PKIB: variants seen among roughly 807,000 people sequenced by gnomAD.
PKIB encodes the protein cAMP-dependent protein kinase inhibitor beta.
Under a neutral mutation model 4.5 loss-of-function variants are expected in PKIB, and 2 were observed. The ratio of observed to expected loss-of-function variants is 0.44; its 90% CI spans 0.18 to 1.39. The LOEUF (loss-of-function observed/expected upper bound fraction) is 1.39, where lower values mean the gene tolerates loss of function less well. PKIB is among the 40% of genes most tolerant of loss of function. The pLI is 0.27. For synonymous variants in PKIB, 38 were observed against 36.0 expected (o/e 1.06, Z -0.20); for missense variants, 94 against 92.6 (o/e 1.02, Z -0.06).
chr6:122,702,351 A>G (rs1444591309), intron 3 of PKIB, among the ~76,000 whole-genome samples: 2 of 106,420 alleles, frequency 1.9e-5, no homozygotes, highest in Non-Finnish European at 3.5e-5. Flanking sequence ...TTTTTTTGAG[A>G]TGGAGTCTCA....
intron 2 of PKIB, among the ~76,000 whole-genome samples, chr6:122,641,265 T>C (rs1030635449): frequency 6.6e-6 from 1 of 152,198 alleles, no homozygotes; most frequent in African/African-American, 2.4e-5. Flanking sequence ...GTTCTAGCTC[T>C]GTTCTCCCTG....
At chr6:122,471,956 T>C (rs1447415357) in exon 1 of PKIB, 10 of 1,099,768 alleles carry the variant, frequency 9.1e-6, no homozygotes, top group Admixed American at 3.2e-5. Flanking sequence ...GGCTGTCTTC[T>C]TTCCTGGAGA....
At chr6:122,549,222 T>C (rs1430318263) in intron 2 of PKIB, among the ~76,000 whole-genome samples, 1 of 152,166 alleles carries the variant, frequency 6.6e-6, no homozygotes, top group Non-Finnish European at 1.5e-5. Flanking sequence ...AATAAAACAC[T>C]CAGTATGGGT....
intron 1 of PKIB, among the ~76,000 whole-genome samples, chr6:122,620,579 A>G (rs910399518): frequency 6.6e-5 from 10 of 152,206 alleles, no homozygotes; most frequent in African/African-American, 2.4e-4. Context: ...TGTAGAATCA[A>G]GAAGTTCCAC....
At chr6:122,618,013 A>G (rs1775066804) in intron 1 of PKIB, among the ~76,000 whole-genome samples, 2 of 152,150 alleles carry the variant, frequency 1.3e-5, no homozygotes, top group Admixed American at 6.6e-5. Flanking sequence ...AAAGAAAATA[A>G]CATTTCTTAA....
rs576746354 is a variant in PKIB, at chr6:122,570,985, A to G, written c.-247-14936A>G. Among the ~76,000 whole-genome samples the G allele has an allele frequency of 6.0e-4, 91 of 152,288 alleles. 1 individual carries two copies. The highest frequency in any genetic ancestry group is 2.2e-3 in the African/African-American group (91 of 41,576). On this transcript the variant is annotated intron_variant, in intron 2 of 6. Transcript: ENST00000392491. Reference sequence around the variant, plus strand: ...AATAACCAGAGAAAGGTGAAAACCAACATAAAAAATGTTTTAAAATTCAGG... The same window carrying G: ...AATAACCAGAGAAAGGTGAAAACCAGCATAAAAAATGTTTTAAAATTCAGG...
intron 3 of PKIB, among the ~76,000 whole-genome samples, chr6:122,683,629 T>C (rs777738419): frequency 6.6e-6 from 1 of 152,182 alleles, no homozygotes; most frequent in Admixed American, 6.5e-5. Flanking sequence ...TGTTCCAAAG[T>C]GGAGTTCTCA....
At chr6:122,613,286 C>A (rs1308185307) in intron 1 of PKIB, among the ~76,000 whole-genome samples, 1 of 152,134 alleles carries the variant, frequency 6.6e-6, no homozygotes, top group Non-Finnish European at 1.5e-5. Context: ...CAAAATTATT[C>A]TTTCCTCAAC....
intron 2 of PKIB, among the ~76,000 whole-genome samples, chr6:122,656,276 A>G (rs538618376): frequency 1.3e-5 from 2 of 152,344 alleles, no homozygotes; most frequent in South Asian, 4.1e-4. Context: ...GAAAGTTCAA[A>G]TCCTCTTTCA....
chr6:122,599,029 C>T (rs1774269864), intron 3 of PKIB, among the ~76,000 whole-genome samples: 1 of 152,182 alleles, frequency 6.6e-6, no homozygotes, highest in Non-Finnish European at 1.5e-5. Flanking sequence ...GGGTCACATT[C>T]TCAACCTCAC....
chr6:122,529,284 A>G (rs1777182352), intron 2 of PKIB, among the ~76,000 whole-genome samples: 2 of 152,086 alleles, frequency 1.3e-5, no homozygotes, highest in Admixed American at 1.3e-4. Flanking sequence ...ATAGCATTTT[A>G]TTTTAAACAG....
At chr6:122,706,064 G>C (rs1779043611) in intron 3 of PKIB, among the ~76,000 whole-genome samples, 1 of 152,116 alleles carries the variant, frequency 6.6e-6, no homozygotes, top group South Asian at 2.1e-4. Context: ...CTCTTATTTA[G>C]AACTTGCTTT....
chr6:122,622,085 TG>T (rs1775255148), intron 1 of PKIB, among the ~76,000 whole-genome samples: 1 of 152,176 alleles, frequency 6.6e-6, no homozygotes, highest in South Asian at 2.1e-4. Context: ...TGGGTTTAAC[TG>T]TGGATAATTG....
intron 2 of PKIB, among the ~76,000 whole-genome samples, chr6:122,573,521 CAA>C (rs61014475): frequency 7.4e-4 from 65 of 87,562 alleles, no homozygotes; most frequent in African/African-American, 1.3e-3. Context: ...GACTCTGTCT[CAA>C]AAAAAAAAAA....
At chr6:122,530,130 T>G (rs1777214410) in intron 2 of PKIB, among the ~76,000 whole-genome samples, 1 of 152,258 alleles carries the variant, frequency 6.6e-6, no homozygotes, top group East Asian at 1.9e-4. Context: ...TTTTTTATGT[T>G]TGATTCTCTG....
chr6:122,674,440 G>A (rs1046355889), intron 2 of PKIB, among the ~76,000 whole-genome samples: 2 of 152,090 alleles, frequency 1.3e-5, no homozygotes, highest in Non-Finnish European at 2.9e-5. Flanking sequence ...TGTGCATACC[G>A]ACGGTTCATA....
chr6:122,521,789 A>C (rs1401785410), intron 2 of PKIB, among the ~76,000 whole-genome samples: 1 of 152,066 alleles, frequency 6.6e-6, no homozygotes, highest in East Asian at 1.9e-4. Context: ...CACTTTTTTT[A>C]TTTGCTTCAA....
chr6:122,515,036 A>C (rs996124701), intron 2 of PKIB, among the ~76,000 whole-genome samples: 2 of 152,208 alleles, frequency 1.3e-5, no homozygotes, highest in African/African-American at 2.4e-5. Flanking sequence ...CTAACAGTAA[A>C]ACTATTTTAC....
chr6:122,664,456 C>A (rs1022510931), intron 2 of PKIB, among the ~76,000 whole-genome samples: 2 of 152,106 alleles, frequency 1.3e-5, no homozygotes, highest in African/African-American at 4.8e-5. Flanking sequence ...TATCACCAGG[C>A]TGGAGAGAAG....
Sources: allele counts gnomAD v4.1 joint callset (sites outside exome capture counted in the v4.1 genomes callset), GRCh38; gene constraint gnomAD v4.1.1; transcripts MANE v1.5; gene names NCBI Gene and HGNC (gene_info 2026-07-23, HGNC 2026-07-21).